The following TMEM132B variants were observed in gnomAD, a reference collection of about 807,000 sequenced individuals.
TMEM132B encodes transmembrane protein 132B.
TMEM132B carries 18 observed loss-of-function variants against 90.8 expected under a neutral mutation model. The ratio of observed to expected loss-of-function variants is 0.20; its 90% confidence interval spans 0.14 to 0.29. The LOEUF (loss-of-function observed/expected upper bound fraction) is 0.29, where lower values mean the gene tolerates loss of function less well. TMEM132B is among the 10% of genes least tolerant of loss of function. The probability of loss-of-function intolerance (pLI) is 1.00; values close to 1 mark genes in which losing one functional copy is unlikely to be tolerated. For synonymous variants in TMEM132B, 504 were observed against 523.3 expected, an observed-to-expected ratio of 0.96 and a Z score of 0.50; for missense variants, 1,096 against 1,326.8, an observed-to-expected ratio of 0.83 and a Z score of 2.70.
At chr12:125,313,887 G>A (rs1246115906) in intron 1 of TMEM132B, among the ~76,000 whole-genome samples, 5 of 151,314 alleles carry the variant, frequency 3.3e-5, no homozygotes, top group East Asian at 2.0e-4. Context: ...ACCGGGCCCC[G>A]CATATGACCT....
In TMEM132B at chr12:125,415,725, G is replaced by T; in HGVS notation, c.1106+48G>T. The T allele has an allele frequency of 6.2e-7, 1 of 1,601,134 alleles. No individual in the cohort carries two copies. Among genetic ancestry groups the T allele is most frequent in the Non-Finnish European group, 8.5e-7 (1 of 1,173,262 alleles). On this transcript the variant is annotated intron_variant, in intron 3 of 8. Transcript: ENST00000682704. The surrounding 1 kb of genome is among the most constrained non-coding windows in gnomAD (Gnocchi z 5.3). The stretch of plus-strand genomic sequence containing the variant: ...CACCTCCGCAGTGGGGAGGAGGGGA[G>T]TGGCTGCCAGAGCTGATAGCAAAAT...
chr12:125,348,484 C>T (rs1877438453), intron 1 of TMEM132B, among the ~76,000 whole-genome samples: 1 of 144,510 alleles, frequency 6.9e-6, no homozygotes, highest in African/African-American at 2.7e-5. Flanking sequence ...GCCACCATGC[C>T]TGGATAATTT....
intron 1 of TMEM132B, among the ~76,000 whole-genome samples, chr12:125,206,202 C>T (rs940473678): frequency 2.0e-5 from 3 of 152,154 alleles, no homozygotes; most frequent in Admixed American, 6.6e-5. Flanking sequence ...ATGCCCCTTT[C>T]CTGGTGCTGT....
chr12:125,352,177 C>G (rs554494230), intron 2 of TMEM132B, among the ~76,000 whole-genome samples: 4 of 152,304 alleles, frequency 2.6e-5, no homozygotes, highest in African/African-American at 9.6e-5. Flanking sequence ...TGGCCTTATC[C>G]CTGCCCTGTT....
At chr12:125,622,648 C>A in intron 5 of TMEM132B, 1 of 985,408 alleles carries the variant, frequency 1.0e-6, no homozygotes, top group Non-Finnish European at 1.2e-6. Flanking sequence ...GGTGTCCAGC[C>A]TTCTCTGGGT....
At chr12:125,607,020 T>C (rs902609954) in intron 5 of TMEM132B, among the ~76,000 whole-genome samples, 1 of 152,118 alleles carries the variant, frequency 6.6e-6, no homozygotes, top group Admixed American at 6.5e-5. Flanking sequence ...CTAGGAGTAG[T>C]CTTGGACACC....
chr12:125,483,220 T>C (rs1310382941), intron 3 of TMEM132B, among the ~76,000 whole-genome samples: 1 of 152,122 alleles, frequency 6.6e-6, no homozygotes, highest in African/African-American at 2.4e-5. Flanking sequence ...GTTGTGCACA[T>C]GTACCCTAGA....
rs1170160576 is a variant in TMEM132B, at chr12:125,460,169, C to T, written c.1106+44492C>T. 6.6e-6 allele frequency among the ~76,000 whole-genome samples: 1 copy of T among 152,166 alleles called. No individual in the cohort carries two copies. Among genetic ancestry groups the T allele is most frequent in the African/African-American group, 2.4e-5 (1 of 41,448 alleles). On this transcript the variant is annotated intron_variant, in intron 3 of 8. Coordinates refer to ENST00000682704, the MANE Select transcript of TMEM132B (RefSeq NM_001366854.1). The surrounding 1 kb of genome is among the most constrained non-coding windows in gnomAD (Gnocchi z 4.4). The stretch of plus-strand genomic sequence containing the variant: ...CATGTACTCCATAAACACATATACC[C>T]ACTATGTACCCACAAAAGTTAACAT...
chr12:125,463,700 G>A (rs1012498724), intron 3 of TMEM132B, among the ~76,000 whole-genome samples: 3 of 152,120 alleles, frequency 2.0e-5, no homozygotes, highest in African/African-American at 7.2e-5. Context: ...TTAGAGGGAT[G>A]GTGAATGAAG....
intron 3 of TMEM132B, among the ~76,000 whole-genome samples, chr12:125,489,457 G>T (rs1882294088): frequency 6.6e-6 from 1 of 151,932 alleles, no homozygotes; most frequent in African/African-American, 2.4e-5. Context: ...TGCCCAGGTT[G>T]GAATGCAGTG....
intron 2 of TMEM132B, among the ~76,000 whole-genome samples, chr12:125,353,236 T>C (rs1877652759): frequency 1.3e-5 from 2 of 150,738 alleles, no homozygotes; most frequent in African/African-American, 5.0e-5. Context: ...GCACTCCCTC[T>C]GCCATGGCAG....
intron 4 of TMEM132B, among the ~76,000 whole-genome samples, chr12:125,558,204 A>G (rs774767393): frequency 1.8e-4 from 27 of 152,208 alleles, no homozygotes; most frequent in Non-Finnish European, 2.5e-4. Context: ...TGAATCTGCT[A>G]GGTGACTTGG....
chr12:125,619,288 T>A (rs1330093532), intron 5 of TMEM132B, among the ~76,000 whole-genome samples: 1 of 152,158 alleles, frequency 6.6e-6, no homozygotes, highest in Admixed American at 6.5e-5. Context: ...ATTCTGGGCC[T>A]TGAAAGTGCC....
chr12:125,523,131 T>C (rs1883353073), intron 4 of TMEM132B, among the ~76,000 whole-genome samples: 1 of 152,222 alleles, frequency 6.6e-6, no homozygotes. Flanking sequence ...AGAGAGCTCT[T>C]GCTTGCCATA....
intron 1 of TMEM132B, among the ~76,000 whole-genome samples, chr12:125,243,032 T>TATATATACAC (rs1215676534): frequency 1.3e-4 from 17 of 135,020 alleles, no homozygotes; most frequent in African/African-American, 2.5e-4. Context: ...TATATATATA[T>TATATATACAC]ACACACACAC....
intron 4 of TMEM132B, among the ~76,000 whole-genome samples, chr12:125,550,233 C>G (rs1022700743): frequency 2.6e-5 from 4 of 152,234 alleles, no homozygotes; most frequent in Admixed American, 2.6e-4. Context: ...GGGCTGCAGC[C>G]ATACCCACTC....
chr12:125,275,048 C>CT (rs1287165387), intron 1 of TMEM132B, among the ~76,000 whole-genome samples: 3 of 152,220 alleles, frequency 2.0e-5, no homozygotes, highest in Non-Finnish European at 2.9e-5. Context: ...TGCCACTCAT[C>CT]TTTCAAAACC....
In TMEM132B at chr12:125,402,960, G is replaced by C. The variant is rs566305513; in HGVS notation, c.960-12571G>C. Among the ~76,000 whole-genome samples, 12 of 152,208 alleles carry C rather than the reference G, an allele frequency of 7.9e-5. No individual in the cohort carries two copies. In the South Asian group the frequency reaches 2.5e-3, roughly 32 times the overall value. On this transcript the variant is annotated intron_variant, in intron 2 of 8. Coordinates refer to ENST00000682704, the MANE Select transcript of TMEM132B (RefSeq NM_001366854.1). ...TGTGTTGTTTGTTTCTTCACAGCAG[G>C]CTGGGACCTGTTAGCTCAAAAGCCT... is the stretch of plus-strand genomic sequence containing the variant.
At chr12:125,482,866 C>T (rs1882085782) in intron 3 of TMEM132B, among the ~76,000 whole-genome samples, 1 of 152,084 alleles carries the variant, frequency 6.6e-6, no homozygotes, top group Admixed American at 6.6e-5. Context: ...CAATGATAGA[C>T]TGGATTAAGA....
Sources: allele counts gnomAD v4.1 joint callset (sites outside exome capture counted in the v4.1 genomes callset), GRCh38; gene constraint gnomAD v4.1.1; non-coding constraint Gnocchi (gnomAD v3.1); transcripts MANE v1.5; gene names NCBI Gene and HGNC (gene_info 2026-07-23, HGNC 2026-07-21).